Variants in DGKI observed in about 807,000 individuals in gnomAD.
DGKI encodes the protein diacylglycerol kinase iota, also known as DAG kinase iota.
Under a neutral mutation model 147.5 loss-of-function variants are expected in DGKI, and 55 were observed. The observed-to-expected ratio is 0.37, with a 90% CI of 0.30 to 0.47. DGKI has a LOEUF of 0.47. Ranked by LOEUF, DGKI falls within the 20% of genes least tolerant of loss-of-function variation. DGKI has a pLI of 1.00. For missense variants in DGKI, 1,007 were observed against 1,323.8 expected (o/e 0.76, Z 3.71); for synonymous variants, 469 against 477.1 (o/e 0.98, Z 0.22).
At chr7:137,620,053 A>T (rs577494444) in intron 7 of DGKI, 113 bp from the exon 8 acceptor site, 155 of 725,956 alleles carry the variant, frequency 2.1e-4, no homozygotes, top group Non-Finnish European at 2.9e-4. Flanking sequence ...ACACACACAC[A>T]CTCATTACAT....
intron 20 of DGKI, among the ~76,000 whole-genome samples, chr7:137,523,697 T>A: frequency 6.6e-6 from 1 of 152,184 alleles, no homozygotes; most frequent in East Asian, 1.9e-4. Context: ...ATTACCATAG[T>A]GCTGGACATC....
intron 1 of DGKI, among the ~76,000 whole-genome samples, chr7:137,694,178 G>A (rs1454102848): frequency 2.6e-5 from 4 of 152,028 alleles, no homozygotes; most frequent in Non-Finnish European, 4.4e-5. Context: ...AAAATTAGCC[G>A]GGCGAGGTGG....
chr7:137,679,264 C>A (rs1195343464), intron 2 of DGKI, among the ~76,000 whole-genome samples: 1 of 152,178 alleles, frequency 6.6e-6, no homozygotes, highest in African/African-American at 2.4e-5. Flanking sequence ...CTCAATTTTT[C>A]AAACTAAATG....
chr7:137,422,288 G>A (rs55804519), intron 28 of DGKI, among the ~76,000 whole-genome samples: 2,732 of 152,190 alleles, frequency 0.018, 82 homozygotes, highest in African/African-American at 0.062. Flanking sequence ...CATACATGAC[G>A]CCAGTCACAA....
intron 1 of DGKI, 28 bp from the exon 2 acceptor site, chr7:137,690,030 A>AG: frequency 1.3e-6 from 2 of 1,550,716 alleles, no homozygotes; most frequent in Non-Finnish European, 8.7e-7. Flanking sequence ...ACAAAAACAA[A>AG]AACAAAGAAA....
chr7:137,545,276 C>T (rs1817827309), intron 20 of DGKI, among the ~76,000 whole-genome samples: 1 of 152,052 alleles, frequency 6.6e-6, no homozygotes, highest in Non-Finnish European at 1.5e-5. Context: ...ATGGAGAAAA[C>T]AAAGGACAAA....
chr7:137,552,754 C>CCCAAAAA (rs1818093392), intron 19 of DGKI, among the ~76,000 whole-genome samples, 186 bp from the exon 20 acceptor site: 2 of 120,132 alleles, frequency 1.7e-5, no homozygotes, highest in East Asian at 2.3e-4. Flanking sequence ...ACTAAAAATA[C>CCCAAAAA]AAAAAAAAAA....
At chr7:137,667,198 C>A (rs758113621) in intron 3 of DGKI, among the ~76,000 whole-genome samples, 1 of 151,968 alleles carries the variant, frequency 6.6e-6, no homozygotes. Context: ...TTGATATGCA[C>A]GCAAATATGG....
At chr7:137,564,572 T>C (rs552880796) in intron 19 of DGKI, among the ~76,000 whole-genome samples, 4 of 138,178 alleles carry the variant, frequency 2.9e-5, no homozygotes, top group African/African-American at 1.3e-4. Context: ...TGACTTCTTT[T>C]AAAAAAAACA....
chr7:137,619,691 G>T, intron 8 of DGKI, 133 bp downstream of exon 8: 1 of 685,404 alleles, frequency 1.5e-6, no homozygotes, highest in Admixed American at 2.3e-5. Flanking sequence ...AACTGAGGAA[G>T]CTAAGCACAG....
intron 12 of DGKI, among the ~76,000 whole-genome samples, chr7:137,589,736 T>C (rs570470960): frequency 6.6e-6 from 1 of 152,294 alleles, no homozygotes; most frequent in African/African-American, 2.4e-5. Flanking sequence ...CAGCCCTGAA[T>C]AGAGCCAGAC....
chr7:137,435,844 ATCTCGGCTC>A lies in DGKI; in HGVS notation c.2761+8224_2761+8232del, dbSNP rs1813259190. Among the ~76,000 whole-genome samples, 10 of 152,256 alleles carry A rather than the reference ATCTCGGCTC, an allele frequency of 6.6e-5. No homozygotes were observed. The South Asian group carries it at 2.1e-3, about 32-fold the overall frequency. ...GCCCAGGCTAGAGTACAGTGGCACG[ATCTCGGCTC>A]TCTGCAACCTCTGCCTCCTGGGTTC... On this transcript the variant is annotated intron_variant, in intron 28 of 32. Coordinates refer to ENST00000614521, the MANE Select transcript of DGKI (RefSeq NM_001321708.2).
At chr7:137,459,638 C>A (rs1383862670) in intron 27 of DGKI, among the ~76,000 whole-genome samples, 1 of 151,848 alleles carries the variant, frequency 6.6e-6, no homozygotes. Context: ...CCACGCCCGG[C>A]TAATTTTTTG....
At chr7:137,626,968 C>A (rs1195974972) in intron 6 of DGKI, among the ~76,000 whole-genome samples, 1 of 152,212 alleles carries the variant, frequency 6.6e-6, no homozygotes, top group African/African-American at 2.4e-5. Flanking sequence ...TCAGGGCCAT[C>A]CATAATCTTC....
intron 3 of DGKI, among the ~76,000 whole-genome samples, chr7:137,664,042 C>T (rs1181927240): frequency 6.6e-6 from 1 of 152,052 alleles, no homozygotes; most frequent in African/African-American, 2.4e-5. Context: ...GAGGTGCCCT[C>T]AGACTGTTTG....
chr7:137,426,885 C>T (rs199934522), intron 28 of DGKI, among the ~76,000 whole-genome samples: 1 of 151,994 alleles, frequency 6.6e-6, no homozygotes, highest in African/African-American at 2.4e-5. Context: ...TACAGGAGCA[C>T]CCAGATTCAT....
rs1207159232 is a variant in DGKI, at chr7:137,609,617, G to A, written c.994-8C>T. The A allele has an allele frequency of 6.8e-6, 11 of 1,609,758 alleles. 1 individual carries two copies. The highest frequency in any genetic ancestry group is 6.7e-5 in the Admixed American group (4 of 59,898). On this transcript the variant is annotated splice_polypyrimidine_tract_variant and splice_region_variant and intron_variant, in intron 8 of 32. Transcript: ENST00000614521. The stretch of plus-strand genomic sequence containing the variant: ...TGAAGCCTTCAGGGAGTTCTGTAGG[G>A]AGAGAGAGAAATGCCTGAGCTCAGA...
chr7:137,428,920 A>G (rs1812938390), intron 28 of DGKI, among the ~76,000 whole-genome samples: 1 of 152,164 alleles, frequency 6.6e-6, no homozygotes. Flanking sequence ...AAGAAATGGA[A>G]CAACATTCCA....
chr7:137,774,467 CT>C (rs1796302595), intron 1 of DGKI: 1 of 152,116 alleles, frequency 6.6e-6, no homozygotes, highest in Non-Finnish European at 1.5e-5. Context: ...AAATGTCCAC[CT>C]TTACGTGAAT....
Sources: gnomAD v4.1 joint callset for allele counts (sites outside exome capture counted in the v4.1 genomes callset) on GRCh38, gnomAD v4.1.1 for gene constraint, MANE v1.5 for transcripts, NCBI Gene and HGNC (gene_info 2026-07-23, HGNC 2026-07-21) for gene names.